Variants in KCNG2 observed in about 807,000 individuals in gnomAD.
KCNG2 encodes potassium voltage-gated channel modifier subfamily G member 2, also known as voltage-gated potassium channel regulatory subunit KCNG2.
Under a neutral mutation model 12.3 loss-of-function variants are expected in KCNG2, and 7 were observed. The observed-to-expected ratio is 0.57, with a 90% CI of 0.32 to 1.07. The LOEUF (loss-of-function observed/expected upper bound fraction) is 1.07, where lower values mean the gene tolerates loss of function less well. Ranked by LOEUF, KCNG2 falls within the 50% of genes least tolerant of loss-of-function variation. The pLI is 0.04. For missense variants in KCNG2, 703 were observed against 726.0 expected (o/e 0.97, Z 0.36); for synonymous variants, 414 against 351.4 (o/e 1.18, Z -1.99).
intron 3 of KCNG2, among the ~76,000 whole-genome samples, chr18:79,894,644 T>A (rs1334979191): frequency 6.6e-6 from 1 of 151,532 alleles, no homozygotes; most frequent in African/African-American, 2.4e-5. Flanking sequence ...TGTTTGCTTT[T>A]GATTGGGTTG....
At chr18:79,867,838 GGCAGAGCACCCACCGTCAGCACC>G (rs1979668748) in intron 3 of KCNG2, among the ~76,000 whole-genome samples, 2 of 152,142 alleles carry the variant, frequency 1.3e-5, no homozygotes, top group Non-Finnish European at 2.9e-5. Context: ...CACCCCTCGG[GGCAGAGCACCCACCGTCAGCACC>G]GCAGAGCCCC....
At chr18:79,883,164 G>A (rs562977836) in intron 3 of KCNG2, among the ~76,000 whole-genome samples, 15 of 152,130 alleles carry the variant, frequency 9.9e-5, no homozygotes, top group African/African-American at 3.1e-4. Flanking sequence ...AGGGCCTGAC[G>A]CGGGAGAGGC....
At chr18:79,876,665 C>A (rs1387459499) in intron 3 of KCNG2, among the ~76,000 whole-genome samples, 1 of 152,230 alleles carries the variant, frequency 6.6e-6, no homozygotes, top group Admixed American at 6.5e-5. Context: ...GGCCAGCCCC[C>A]TCTCTCGGCA....
Position 79,869,282 on chromosome 18 carries a change from G to C in KCNG2, c.624+4991G>C, listed in dbSNP as rs1408267162. Among the ~76,000 whole-genome samples the C allele has an allele frequency of 3.3e-5, 5 of 152,284 alleles. No individual in the cohort carries two copies. In the East Asian group the frequency reaches 5.8e-4, roughly 18 times the overall value. On this transcript the variant is annotated intron_variant, in intron 3 of 3. Transcript: ENST00000316249. ...CAGTAGCTCCCTGTGGGGAGGGCTC[G>C]GCTCAGGGACCACGGAAACGCCTGG...
At chr18:79,818,527 A>G (rs951170570) in intron 1 of KCNG2, among the ~76,000 whole-genome samples, 2 of 152,136 alleles carry the variant, frequency 1.3e-5, no homozygotes, top group Non-Finnish European at 2.9e-5. Flanking sequence ...GAGACAGGTG[A>G]TGAAGCTATT....
At chr18:79,864,462 C>T (rs1316425029) in intron 3 of KCNG2, among the ~76,000 whole-genome samples, 171 bp downstream of exon 3, 4 of 151,824 alleles carry the variant, frequency 2.6e-5, no homozygotes, top group Non-Finnish European at 4.4e-5. Flanking sequence ...TGGAGGCGGC[C>T]GGGCTGAGGG....
intron 1 of KCNG2, among the ~76,000 whole-genome samples, chr18:79,802,715 A>T (rs1456570283): frequency 2.0e-5 from 3 of 147,656 alleles, no homozygotes; most frequent in African/African-American, 7.4e-5. Context: ...TACAGCTGGG[A>T]GGAGAGTTCC....
chr18:79,851,493 C>G (rs1978814138), intron 1 of KCNG2, among the ~76,000 whole-genome samples: 2 of 152,326 alleles, frequency 1.3e-5, no homozygotes, highest in Admixed American at 6.5e-5. Flanking sequence ...CTCCGACACT[C>G]AGAGGATGCA....
intron 1 of KCNG2, among the ~76,000 whole-genome samples, chr18:79,848,380 G>T (rs540316468): frequency 6.6e-6 from 1 of 152,308 alleles, no homozygotes; most frequent in East Asian, 1.9e-4. Context: ...TGCTGTCTCT[G>T]AACCGCTGGG....
intron 1 of KCNG2, among the ~76,000 whole-genome samples, chr18:79,854,529 G>GTTT (rs1978940299): frequency 5.3e-5 from 2 of 37,576 alleles, no homozygotes; most frequent in Non-Finnish European, 9.5e-5. Flanking sequence ...CCTTTCATTG[G>GTTT]CTTTTTTTTT....
Position 79,899,591 on chromosome 18 carries a change from C to A in KCNG2, c.1176C>A (p.Ser392Arg). ...TGGTGGCGCTCAGCAGCATCCTCAG[C>A]GGCATCCTGCTCATGGCCTTCCCGG... ...GQVVALSSIL[S>R]GILLMAFPVT... is the part of the protein sequence containing the mutation. The change falls in exon 4 of 4, where the codon AGC (serine) becomes AGA (arginine). Residue 392 changes from serine to arginine, a missense_variant. By Grantham distance (110) the Ser-to-Arg change is moderately radical. Transcript: ENST00000316249. The A allele has an allele frequency of 6.3e-7, 1 of 1,599,372 alleles. No individual in the cohort carries two copies. The highest frequency in any genetic ancestry group is 8.5e-7 in the Non-Finnish European group (1 of 1,172,416).
chr18:79,832,384 CCCATCCTCACCTGCTCTCATCTGT>C (rs1472472487), intron 1 of KCNG2, among the ~76,000 whole-genome samples: 1 of 151,306 alleles, frequency 6.6e-6, no homozygotes, highest in Non-Finnish European at 1.5e-5. Flanking sequence ...CACTCACCTG[CCCATCCTCACCTGCTCTCATCTGT>C]CCATCCTCAC....
At chr18:79,882,898 T>C (rs7233394) in intron 3 of KCNG2, among the ~76,000 whole-genome samples, 1,184 of 85,820 alleles carry the variant, frequency 0.014, 66 homozygotes, top group East Asian at 0.029. Context: ...GCCGGGTACA[T>C]CTGCGCGTGG....
At chr18:79,817,001 TTGTCACACGGC>T (rs1179122938) in intron 1 of KCNG2, among the ~76,000 whole-genome samples, 2 of 151,462 alleles carry the variant, frequency 1.3e-5, no homozygotes, top group Non-Finnish European at 2.9e-5. Context: ...TGTCACATGG[TTGTCACACGGC>T]TGCCACACGG....
intron 1 of KCNG2, among the ~76,000 whole-genome samples, chr18:79,853,948 G>T (rs774435915): frequency 6.6e-6 from 1 of 152,240 alleles, no homozygotes; most frequent in Non-Finnish European, 1.5e-5. Flanking sequence ...TTCCAACCTC[G>T]GGGTCCAGCC....
rs375668373 is a variant in KCNG2, at chr18:79,864,206, C to T, written c.539C>T (p.Ala180Val). 1.5e-5 allele frequency: 23 copies of T among 1,542,528 alleles called. No homozygotes were observed. Among genetic ancestry groups the T allele is most frequent in the South Asian group, 3.4e-5 (3 of 87,940 alleles). ...TCGGGGCTGGCGGGCAAGCTCTTCG[C>T]CTGCGTGTCCGTGTCCTTCGTGGCC... ...PHSGLAGKLF[A>V]CVSVSFVAVT... Residue 180 changes from alanine to valine, a missense_variant, in exon 3 of 4, where the codon GCC (alanine) becomes GTC (valine). By Grantham distance (64) the Ala-to-Val change is moderately conservative. Coordinates refer to ENST00000316249, the MANE Select transcript of KCNG2 (RefSeq NM_012283.2).
At chr18:79,860,498 C>A (rs1979171587) in intron 2 of KCNG2, among the ~76,000 whole-genome samples, 1 of 152,174 alleles carries the variant, frequency 6.6e-6, no homozygotes, top group Non-Finnish European at 1.5e-5. Flanking sequence ...AGTTTCCACT[C>A]CTTGGTTAAA....
intron 1 of KCNG2, among the ~76,000 whole-genome samples, chr18:79,844,315 A>G (rs1259918910): frequency 6.6e-6 from 1 of 152,160 alleles, no homozygotes; most frequent in East Asian, 1.9e-4. Flanking sequence ...ATAGAAAAAC[A>G]GTAATGTGTG....
rs1980443892 is a variant in KCNG2 at position 79,884,490 on chromosome 18, G to A, written c.625-14550G>A. Among the ~76,000 whole-genome samples, 1 of 152,174 alleles carries A rather than the reference G, an allele frequency of 6.6e-6. No individual in the cohort carries two copies. The highest frequency in any genetic ancestry group is 1.5e-5 in the Non-Finnish European group (1 of 68,026). ...AGTGGGATGGAGCCCCGGCCACTGGGTCCCCGGGGGAGAGCCAGGCTGTGA... is the reference window on the plus strand; with the variant it reads ...AGTGGGATGGAGCCCCGGCCACTGGATCCCCGGGGGAGAGCCAGGCTGTGA... On this transcript the variant is annotated intron_variant, in intron 3 of 3. Transcript: ENST00000316249. This position sits in a 1 kb window ranked among gnomAD's most constrained non-coding sequence, Gnocchi z 5.5.
Sources: allele counts gnomAD v4.1 joint callset (sites outside exome capture counted in the v4.1 genomes callset), GRCh38; gene constraint gnomAD v4.1.1; non-coding constraint Gnocchi (gnomAD v3.1); transcripts MANE v1.5; gene names NCBI Gene and HGNC (gene_info 2026-07-23, HGNC 2026-07-21).